The following KCNQ3 variants were observed in gnomAD, a reference collection of about 807,000 sequenced individuals.
KCNQ3 encodes the protein potassium voltage-gated channel subfamily KQT member 3.
Under a neutral mutation model 92.5 loss-of-function variants are expected in KCNQ3, and 30 were observed. The ratio of observed to expected loss-of-function variants is 0.32; its 90% CI spans 0.24 to 0.44. The LOEUF (loss-of-function observed/expected upper bound fraction) is 0.44. KCNQ3 is among the 20% of genes least tolerant of loss of function. KCNQ3 has a pLI of 1.00. For missense variants in KCNQ3, 913 were observed against 1,140.3 expected, an observed-to-expected ratio of 0.80 and a Z score of 2.87; for synonymous variants, 450 against 468.8, an observed-to-expected ratio of 0.96 and a Z score of 0.52.
intron 3 of KCNQ3, among the ~76,000 whole-genome samples, chr8:132,181,982 T>C (rs528839186): frequency 6.6e-6 from 1 of 151,224 alleles, no homozygotes; most frequent in Admixed American, 6.6e-5. Context: ...GAGGTGGAGC[T>C]TGCAGTGAGC....
intron 1 of KCNQ3, among the ~76,000 whole-genome samples, chr8:132,315,198 G>A (rs1184655346): frequency 1.3e-5 from 2 of 152,228 alleles, no homozygotes; most frequent in Middle Eastern, 3.4e-3. Flanking sequence ...TTATGCAACA[G>A]GGCAAGAAGA....
intron 1 of KCNQ3, among the ~76,000 whole-genome samples, chr8:132,283,449 C>A (rs1224142484): frequency 6.6e-6 from 1 of 152,126 alleles, no homozygotes; most frequent in Non-Finnish European, 1.5e-5. Flanking sequence ...AAGGAAAGAC[C>A]AGCATACTCA....
intron 12 of KCNQ3, among the ~76,000 whole-genome samples, chr8:132,136,388 T>C (rs2130935820): frequency 6.6e-6 from 1 of 152,224 alleles, no homozygotes; most frequent in African/African-American, 2.4e-5. Flanking sequence ...ATTGACATCA[T>C]AACTGCCCGT....
At chr8:132,398,410 T>G (rs1820249089) in intron 1 of KCNQ3, among the ~76,000 whole-genome samples, 1 of 152,208 alleles carries the variant, frequency 6.6e-6, no homozygotes, top group African/African-American at 2.4e-5. Context: ...GAAACCAACT[T>G]ACACTGGCTT....
At chr8:132,479,018 A>T (rs1822477899) in intron 1 of KCNQ3, among the ~76,000 whole-genome samples, 1 of 152,148 alleles carries the variant, frequency 6.6e-6, no homozygotes, top group African/African-American at 2.4e-5. Flanking sequence ...ATTCCCTGCC[A>T]AAACCCTGGT....
intron 1 of KCNQ3, among the ~76,000 whole-genome samples, chr8:132,464,728 AC>A (rs1822133667): frequency 6.6e-6 from 1 of 152,222 alleles, no homozygotes; most frequent in Admixed American, 6.5e-5. Flanking sequence ...AGTGTTGACA[AC>A]TTTTCGTGAT....
intron 1 of KCNQ3, among the ~76,000 whole-genome samples, chr8:132,358,751 A>G (rs73343896): frequency 0.093 from 14,161 of 152,184 alleles, 699 homozygotes; most frequent in South Asian, 0.16. Context: ...TTGTGGGATG[A>G]GTATGAACCC....
intron 1 of KCNQ3, among the ~76,000 whole-genome samples, chr8:132,328,224 A>G (rs539788436): frequency 6.6e-6 from 1 of 152,148 alleles, no homozygotes; most frequent in South Asian, 2.1e-4. Flanking sequence ...CTCAGGACTC[A>G]TTGTCTGCAC....
intron 1 of KCNQ3, among the ~76,000 whole-genome samples, chr8:132,369,522 A>G (rs771180416): frequency 7.2e-5 from 11 of 152,006 alleles, no homozygotes; most frequent in Admixed American, 5.2e-4. Flanking sequence ...GGAGTATAAA[A>G]ATGAGGCTGG....
chr8:132,346,198 C>G (rs568640049), intron 1 of KCNQ3, among the ~76,000 whole-genome samples: 1 of 152,242 alleles, frequency 6.6e-6, no homozygotes, highest in South Asian at 2.1e-4. Flanking sequence ...CCTTTCTTCT[C>G]TTCCCAGAGG....
intron 1 of KCNQ3, among the ~76,000 whole-genome samples, chr8:132,267,893 C>T (rs1185627877): frequency 6.6e-6 from 1 of 152,196 alleles, no homozygotes. Context: ...CCTCAACTAG[C>T]ATGGCACAAT....
intron 1 of KCNQ3, among the ~76,000 whole-genome samples, chr8:132,409,531 T>G (rs886830471): frequency 6.6e-6 from 1 of 152,172 alleles, no homozygotes; most frequent in Non-Finnish European, 1.5e-5. Flanking sequence ...TAACACGTCT[T>G]GGTTCCACTG....
intron 3 of KCNQ3, among the ~76,000 whole-genome samples, chr8:132,180,835 T>A (rs367936116): frequency 0.049 from 7,078 of 143,448 alleles, 271 homozygotes; most frequent in Non-Finnish European, 0.073. Flanking sequence ...GAGAGAATGT[T>A]AAAAAAAAAA....
chr8:132,222,106 A>G (rs1814257839), intron 1 of KCNQ3, among the ~76,000 whole-genome samples: 1 of 152,252 alleles, frequency 6.6e-6, no homozygotes, highest in Non-Finnish European at 1.5e-5. Context: ...CAGCAAAAGA[A>G]ACTACCATCA....
chr8:132,240,121 G>A (rs1296908384), intron 1 of KCNQ3, among the ~76,000 whole-genome samples: 1 of 151,202 alleles, frequency 6.6e-6, no homozygotes, highest in Non-Finnish European at 1.5e-5. Flanking sequence ...AACTCCTCAT[G>A]CCACTAAATT....
At chr8:132,192,442 T>C (rs892119113) in intron 1 of KCNQ3, among the ~76,000 whole-genome samples, 1 of 152,190 alleles carries the variant, frequency 6.6e-6, no homozygotes, top group Non-Finnish European at 1.5e-5. Context: ...GACAAGGATG[T>C]GGCGCTGAAC....
At chr8:132,149,596 CT>C (rs1176018854) in intron 9 of KCNQ3, among the ~76,000 whole-genome samples, 1 of 152,188 alleles carries the variant, frequency 6.6e-6, no homozygotes, top group African/African-American at 2.4e-5. Flanking sequence ...TGGCATTTAT[CT>C]TCTTTGTTTT....
intron 1 of KCNQ3, among the ~76,000 whole-genome samples, chr8:132,325,602 T>C (rs1818024570): frequency 6.6e-6 from 1 of 152,096 alleles, no homozygotes; most frequent in Admixed American, 6.5e-5. Flanking sequence ...GGAAAGAAAA[T>C]GTGAAGACAC....
chr8:132,151,363 G>T (rs1825631544), intron 9 of KCNQ3, among the ~76,000 whole-genome samples: 1 of 152,058 alleles, frequency 6.6e-6, no homozygotes, highest in Non-Finnish European at 1.5e-5. Context: ...GTTAGAAAAA[G>T]GCATAAAAAT....
Sources: gnomAD v4.1 joint callset for allele counts (sites outside exome capture counted in the v4.1 genomes callset) on GRCh38, gnomAD v4.1.1 for gene constraint, MANE v1.5 for transcripts, NCBI Gene and HGNC (gene_info 2026-07-23, HGNC 2026-07-21) for gene names.